Variants in EPHA3 observed in about 807,000 individuals in gnomAD.
EPHA3 encodes the protein EPH receptor A3.
In EPHA3, 42 loss-of-function variants were observed where a neutral mutation model predicts 107.1. The ratio of observed to expected loss-of-function variants is 0.39; its 90% CI spans 0.31 to 0.51. The LOEUF (loss-of-function observed/expected upper bound fraction) is 0.51, where lower values mean the gene tolerates loss of function less well. Ranked by LOEUF, EPHA3 falls within the 20% of genes least tolerant of loss-of-function variation. The pLI, the probability that EPHA3 is intolerant of heterozygous loss-of-function variation, is 0.78. For synonymous variants in EPHA3, 461 were observed against 424.8 expected, an observed-to-expected ratio of 1.09 and a Z score of -1.05; for missense variants, 1,183 against 1,211.2, an observed-to-expected ratio of 0.98 and a Z score of 0.35.
intron 5 of EPHA3, among the ~76,000 whole-genome samples, chr3:89,344,766 A>G (rs542447797): frequency 4.2e-4 from 64 of 152,268 alleles, no homozygotes; most frequent in Non-Finnish European, 7.9e-4. Context: ...TTAGTTTGTG[A>G]GATCGAGTTT....
intron 3 of EPHA3, among the ~76,000 whole-genome samples, chr3:89,316,505 A>AATATAT (rs58576798): frequency 0.043 from 4,431 of 103,950 alleles, 150 homozygotes; most frequent in Admixed American, 0.074. Flanking sequence ...GTGTGTGTGT[A>AATATAT]ATATATATAT....
Position 89,432,781 on chromosome 3 carries a change from A to G in EPHA3, c.2346+1422A>G, listed in dbSNP as rs567921661. Among the ~76,000 whole-genome samples the G allele has an allele frequency of 1.4e-3, 219 of 152,228 alleles. 1 individual carries two copies. The highest frequency in any genetic ancestry group is 2.4e-3 in the Admixed American group (36 of 15,276). On this transcript the variant is annotated intron_variant, in intron 13 of 16. Transcript: ENST00000336596. ...CATAAAGTTACAAAAATGGGATTAT[A>G]CTTTATATACTGATATATAAAATGA...
intron 1 of EPHA3, among the ~76,000 whole-genome samples, chr3:89,110,103 G>A (rs1338908189): frequency 1.3e-5 from 2 of 151,854 alleles, no homozygotes; most frequent in East Asian, 3.9e-4. Flanking sequence ...TATGAGAGGA[G>A]TGGTGATTTA....
At chr3:89,307,895 T>A (rs1438846091) in intron 3 of EPHA3, among the ~76,000 whole-genome samples, 1 of 152,128 alleles carries the variant, frequency 6.6e-6, no homozygotes, top group Non-Finnish European at 1.5e-5. Context: ...TCCATGTACT[T>A]CCAAAGTTTG....
At chr3:89,202,527 AAAAAAAAATATATATAT>A (rs1559597982) in intron 2 of EPHA3, among the ~76,000 whole-genome samples, 1 of 118,310 alleles carries the variant, frequency 8.5e-6, no homozygotes, top group Admixed American at 9.0e-5. Context: ...AAAAAAAAAA[AAAAAAAAATATATATAT>A]ATATATATAT....
chr3:89,308,345 A>C (rs1344739137), intron 3 of EPHA3, among the ~76,000 whole-genome samples: 2 of 152,160 alleles, frequency 1.3e-5, no homozygotes, highest in African/African-American at 4.8e-5. Flanking sequence ...ATAAGAGCAA[A>C]ATAGTTTGAG....
chr3:89,193,460 A>T (rs1248549707), intron 2 of EPHA3, among the ~76,000 whole-genome samples: 1 of 152,066 alleles, frequency 6.6e-6, no homozygotes, highest in African/African-American at 2.4e-5. Context: ...TGTAGAAAGG[A>T]TTTGTTAAAA....
rs866320898 is a variant in EPHA3 at position 89,113,553 on chromosome 3, A to C, written c.88+5717A>C. ...CGATTACAAAGAAAAAAGTTTTTGC[A>C]GGAGAAAAGAAAATAAAAAAAGTTG... On this transcript the variant is annotated intron_variant, in intron 1 of 16. Coordinates refer to ENST00000336596, the MANE Select transcript of EPHA3 (RefSeq NM_005233.6). Among the ~76,000 whole-genome samples, 37 of 146,652 alleles carry C rather than the reference A, an allele frequency of 2.5e-4. No homozygotes were observed. The South Asian group carries it at 6.3e-3, about 25-fold the overall frequency.
intron 3 of EPHA3, among the ~76,000 whole-genome samples, chr3:89,250,167 G>A (rs529083662): frequency 6.6e-6 from 1 of 152,114 alleles, no homozygotes; most frequent in Non-Finnish European, 1.5e-5. Flanking sequence ...ATCCAGGAAG[G>A]TTAACTGATG....
chr3:89,206,846 T>C (rs1706118702), intron 2 of EPHA3, among the ~76,000 whole-genome samples: 1 of 152,170 alleles, frequency 6.6e-6, no homozygotes, highest in African/African-American at 2.4e-5. Flanking sequence ...ATAATGTGAA[T>C]ATTTTCTTTC....
chr3:89,116,667 G>C (rs1167011934), intron 1 of EPHA3, among the ~76,000 whole-genome samples: 1 of 149,102 alleles, frequency 6.7e-6, no homozygotes. Context: ...ATGACATCAG[G>C]CTTCCAAAGC....
chr3:89,192,428 A>G (rs569555072), intron 2 of EPHA3, among the ~76,000 whole-genome samples: 79 of 152,088 alleles, frequency 5.2e-4, no homozygotes, highest in African/African-American at 1.8e-3. Context: ...AACTATAATA[A>G]TAAATATAAA....
At chr3:89,437,560 A>G (rs1364444047) in intron 13 of EPHA3, among the ~76,000 whole-genome samples, 1 of 152,178 alleles carries the variant, frequency 6.6e-6, no homozygotes, top group Non-Finnish European at 1.5e-5. Context: ...TCATGACACT[A>G]TTGTAGAACA....
chr3:89,377,134 T>C (rs1234146895), intron 5 of EPHA3, among the ~76,000 whole-genome samples: 1 of 152,096 alleles, frequency 6.6e-6, no homozygotes, highest in Non-Finnish European at 1.5e-5. Flanking sequence ...GATTGTTTTT[T>C]CTTATCTGAT....
chr3:89,378,074 G>GAC (rs1708434659), intron 5 of EPHA3, among the ~76,000 whole-genome samples: 1 of 151,992 alleles, frequency 6.6e-6, no homozygotes, highest in African/African-American at 2.4e-5. Flanking sequence ...AGAACACTTG[G>GAC]ACACAGGGAG....
chr3:89,442,502 A>G (rs1162844519), intron 13 of EPHA3, among the ~76,000 whole-genome samples: 2 of 152,130 alleles, frequency 1.3e-5, no homozygotes, highest in Non-Finnish European at 2.9e-5. Flanking sequence ...GGCTGTCACA[A>G]CTGGGGAGAT....
intron 3 of EPHA3, among the ~76,000 whole-genome samples, chr3:89,310,917 G>T (rs1706749666): frequency 6.6e-6 from 1 of 151,858 alleles, no homozygotes; most frequent in Non-Finnish European, 1.5e-5. Context: ...ACAGTGATTT[G>T]TTGCACAGTC....
In EPHA3 at chr3:89,269,551, G is replaced by A. The variant is rs181788049; in HGVS notation, c.814+59031G>A. 1.3e-3 allele frequency among the ~76,000 whole-genome samples: 193 copies of A among 151,764 alleles called. 1 individual carries two copies. Among genetic ancestry groups the A allele is most frequent in the African/African-American group, 4.2e-3 (176 of 41,412 alleles). On this transcript the variant is annotated intron_variant, in intron 3 of 16. Coordinates refer to ENST00000336596, the MANE Select transcript of EPHA3 (RefSeq NM_005233.6). Reference sequence around the variant, plus strand: ...TCCTCCTACCTTGGACTCCCAGAATGCTGTGGTTATAGGCATGAGCCACCC... The same window carrying A: ...TCCTCCTACCTTGGACTCCCAGAATACTGTGGTTATAGGCATGAGCCACCC...
intron 2 of EPHA3, among the ~76,000 whole-genome samples, chr3:89,175,027 A>C (rs1705288499): frequency 6.6e-6 from 1 of 151,900 alleles, no homozygotes; most frequent in Non-Finnish European, 1.5e-5. Flanking sequence ...AAGCTTCAAA[A>C]ATCTGGTAAC....
Sources: gnomAD v4.1 joint callset for allele counts (sites outside exome capture counted in the v4.1 genomes callset) on GRCh38, gnomAD v4.1.1 for gene constraint, MANE v1.5 for transcripts, NCBI Gene and HGNC (gene_info 2026-07-23, HGNC 2026-07-21) for gene names.